RCHY1: variants seen among roughly 807,000 people sequenced by gnomAD.
RCHY1 encodes the protein ring finger and CHY zinc finger domain containing 1, also known as RING finger and CHY zinc finger domain-containing protein 1.
Under a neutral mutation model 41.6 loss-of-function variants are expected in RCHY1, and 21 were observed. That is an observed-to-expected ratio of 0.51 (90% CI 0.36 to 0.73). The LOEUF (loss-of-function observed/expected upper bound fraction) is 0.73. Among genes scored for constraint, RCHY1 ranks in the 30% least tolerant of loss-of-function variants. RCHY1 has a pLI of 0.00. For synonymous variants in RCHY1, 79 were observed against 102.9 expected (o/e 0.77, Z 1.41); for missense variants, 265 against 325.3 (o/e 0.81, Z 1.43).
intron 1 of RCHY1, among the ~76,000 whole-genome samples, chr4:75,512,050 T>C (rs115969507): frequency 1.3e-4 from 20 of 152,278 alleles, no homozygotes; most frequent in African/African-American, 4.6e-4. Flanking sequence ...TCTCAGTTCC[T>C]CTACACTCAT....
intron 8 of RCHY1, among the ~76,000 whole-genome samples, chr4:75,487,519 TATATTC>T (rs1307533985): frequency 8.2e-6 from 1 of 122,604 alleles, no homozygotes; most frequent in African/African-American, 3.0e-5. Context: ...TCATAATATA[TATATTC>T]ATAATATATT....
At chr4:75,490,488 TATATA>T (rs1453780061) in intron 8 of RCHY1, 88 bp downstream of exon 8, 1 of 916,820 alleles carries the variant, frequency 1.1e-6, no homozygotes, top group Non-Finnish European at 1.7e-6. Context: ...AACCAGTATA[TATATA>T]TTTTTTTTTT....
intron 3 of RCHY1, among the ~76,000 whole-genome samples, chr4:75,504,007 C>G (rs7699102): frequency 0.3 from 46,189 of 152,034 alleles, 7,444 homozygotes; most frequent in Non-Finnish European, 0.35. Context: ...GTCTTTTCTT[C>G]AACCAAATTA....
chr4:75,491,811 T>A, intron 5 of RCHY1, 29 bp from the exon 6 acceptor site: 2 of 1,608,382 alleles, frequency 1.2e-6, no homozygotes, highest in Non-Finnish European at 1.7e-6. Flanking sequence ...TTAGTGCTTG[T>A]ATGAAGACAA....
At chr4:75,483,242 A>G (rs1237190919) in intron 8 of RCHY1, among the ~76,000 whole-genome samples, 1 of 152,198 alleles carries the variant, frequency 6.6e-6, no homozygotes, top group Non-Finnish European at 1.5e-5. Flanking sequence ...TCTAGTGCTA[A>G]GTAAGAACCT....
At chr4:75,512,701 T>C (rs1194030933) in intron 1 of RCHY1, among the ~76,000 whole-genome samples, 1 of 152,148 alleles carries the variant, frequency 6.6e-6, no homozygotes, top group Non-Finnish European at 1.5e-5. Flanking sequence ...ATAAGTGCTA[T>C]TTTCAATTCC....
intron 3 of RCHY1, 116 bp from the exon 4 acceptor site, chr4:75,494,295 G>A (rs1433946485): frequency 1.5e-6 from 1 of 687,522 alleles, no homozygotes; most frequent in Non-Finnish European, 2.5e-6. Flanking sequence ...CCACAATGGA[G>A]AATATGGGAT....
chr4:75,489,823 A>T (rs181179103), intron 8 of RCHY1, among the ~76,000 whole-genome samples: 144 of 152,334 alleles, frequency 9.5e-4, no homozygotes, highest in African/African-American at 3.2e-3. Flanking sequence ...TCTGAGAACA[A>T]CATCAGAGAA....
rs753913291 is a variant in RCHY1, at chr4:75,491,598, C to A, written c.536+13G>T. The A allele has an allele frequency of 2.5e-6, 4 of 1,597,736 alleles. No individual in the cohort carries two copies. The East Asian group carries it at 6.7e-5, about 27-fold the overall frequency. On this transcript the variant is annotated intron_variant, in intron 7 of 8. Transcript: ENST00000324439. ...AACATCTTACAATTATTTTTAAAAT[C>A]CCAAACACTCACTCTTTCAACATTT...
In RCHY1 at chr4:75,511,926, A is replaced by G. The variant is rs538388259; in HGVS notation, c.90+2271T>C. Among the ~76,000 whole-genome samples the G allele has an allele frequency of 7.9e-4, 121 of 152,248 alleles. 1 individual carries two copies. The highest frequency in any genetic ancestry group is 2.8e-3 in the African/African-American group (116 of 41,540). On this transcript the variant is annotated intron_variant, in intron 1 of 8. Coordinates refer to ENST00000324439, the MANE Select transcript of RCHY1 (RefSeq NM_015436.4). ...TCCATTCACCACACTTTGAAAACCA[A>G]TGCTACAGAACAACGGCACCCTCTT...
At chr4:75,514,476 C>T (rs1725356501), upstream of RCHY1, 2 of 564,546 alleles carry the variant, frequency 3.5e-6, no homozygotes, top group Non-Finnish European at 6.2e-6. Flanking sequence ...CGAAGGCAGA[C>T]GCAGTCTCCG....
At chr4:75,503,164 C>T (rs975667667) in intron 3 of RCHY1, among the ~76,000 whole-genome samples, 34 of 152,252 alleles carry the variant, frequency 2.2e-4, no homozygotes, top group African/African-American at 7.5e-4. Context: ...CAGTAGATGT[C>T]ATTAGCATCT....
chr4:75,480,490 A>C lies in RCHY1; in HGVS notation c.*2048T>G, dbSNP rs1336064264. On this transcript the variant is annotated 3_prime_UTR_variant, in exon 9 of 9. Transcript: ENST00000324439. ...ATATAGTGTCTGTTATTTACCCCCA[A>C]TGTGTCATTTTAACCTCTAAACCTC... 2 of 152,090 alleles carry C rather than the reference A, an allele frequency of 1.3e-5. No homozygotes were observed. The highest frequency in any genetic ancestry group is 2.9e-5 in the Non-Finnish European group (2 of 68,010). 9.4% of individuals were successfully genotyped at this position (152,090 alleles called of 1,614,324 possible). A position where few individuals can be genotyped will look rare whatever the true frequency, so the allele number is the denominator to read the frequency against.
intron 1 of RCHY1, 81 bp downstream of exon 1, chr4:75,514,116 T>C: frequency 6.5e-7 from 1 of 1,545,772 alleles, no homozygotes; most frequent in Non-Finnish European, 8.8e-7. Flanking sequence ...CAAACTTAAA[T>C]CCAAGCCTAA....
At chr4:75,493,012 T>C (rs1306413346) in intron 4 of RCHY1, among the ~76,000 whole-genome samples, 1 of 151,994 alleles carries the variant, frequency 6.6e-6, no homozygotes, top group Non-Finnish European at 1.5e-5. Flanking sequence ...GGAATGTAAA[T>C]GCTGAGGTGA....
intron 7 of RCHY1, 101 bp downstream of exon 7, chr4:75,491,510 G>T: frequency 2.0e-6 from 2 of 1,018,222 alleles, no homozygotes; most frequent in Non-Finnish European, 3.0e-6. Context: ...ATATTGCCAT[G>T]CCCAATATAG....
At chr4:75,507,743 A>G (rs970471694) in intron 3 of RCHY1, among the ~76,000 whole-genome samples, 4 of 152,122 alleles carry the variant, frequency 2.6e-5, no homozygotes, top group African/African-American at 9.7e-5. Context: ...CACATTATAT[A>G]ATAATAAATG....
At chr4:75,490,089 G>GA (rs1722612474) in intron 8 of RCHY1, among the ~76,000 whole-genome samples, 1 of 151,926 alleles carries the variant, frequency 6.6e-6, no homozygotes, top group African/African-American at 2.4e-5. Context: ...ATGATTCTGT[G>GA]AACAACAGAA....
chr4:75,512,365 C>T (rs1055382260), intron 1 of RCHY1, among the ~76,000 whole-genome samples: 1 of 152,104 alleles, frequency 6.6e-6, no homozygotes, highest in African/African-American at 2.4e-5. Context: ...AAAGAACATC[C>T]TCCTATTATC....
Sources: allele counts gnomAD v4.1 joint callset (sites outside exome capture counted in the v4.1 genomes callset), GRCh38; gene constraint gnomAD v4.1.1; transcripts MANE v1.5; gene names NCBI Gene and HGNC (gene_info 2026-07-23, HGNC 2026-07-21).